MFF: variants seen among roughly 807,000 people sequenced by gnomAD.
The protein encoded by MFF is chromosome 2 open reading frame 33.
In MFF, 12 loss-of-function variants were observed where a neutral mutation model predicts 36.9. That is an observed-to-expected ratio of 0.33 (90% CI 0.21 to 0.53). MFF has a LOEUF of 0.53. Ranked by LOEUF, MFF falls within the 20% of genes least tolerant of loss-of-function variation. MFF has a pLI of 0.95. For missense variants in MFF, 348 were observed against 366.6 expected, an observed-to-expected ratio of 0.95 and a Z score of 0.42; for synonymous variants, 99 against 126.2, an observed-to-expected ratio of 0.78 and a Z score of 1.44.
chr2:227,329,526 C>T (rs2106340289), intron 2 of MFF: 2 of 464,800 alleles, frequency 4.3e-6, no homozygotes, highest in Non-Finnish European at 7.8e-6. Flanking sequence ...AGTCATTTTA[C>T]GTAGATATTT....
chr2:227,342,641 C>A, intron 5 of MFF: 1 of 856,426 alleles, frequency 1.2e-6, no homozygotes, highest in Non-Finnish European at 1.9e-6. Flanking sequence ...AGATTGTGGT[C>A]AGCTATTAGC....
At chr2:227,340,202 T>C (rs1396655189) in intron 4 of MFF, 90 bp from the exon 5 acceptor site, 1 of 1,013,406 alleles carries the variant, frequency 9.9e-7, no homozygotes, top group African/African-American at 1.6e-5. Flanking sequence ...GTTTTTTGAG[T>C]AGCCTTGTAT....
At chr2:227,352,397 TTGA>T in intron 6 of MFF, 114 bp from the exon 7 acceptor site, 1 of 756,060 alleles carries the variant, frequency 1.3e-6, no homozygotes, top group Non-Finnish European at 2.3e-6. Context: ...TTATATTGTA[TTGA>T]AATATACAAT....
At chr2:227,356,640 C>G (rs1322542812) in intron 8 of MFF, among the ~76,000 whole-genome samples, 6 of 152,120 alleles carry the variant, frequency 3.9e-5, no homozygotes, top group African/African-American at 1.4e-4. Context: ...ATTCTTTCTG[C>G]TGTGGTAAGC....
intron 1 of MFF, among the ~76,000 whole-genome samples, chr2:227,326,526 A>G (rs1264017462): frequency 1.3e-5 from 2 of 152,150 alleles, no homozygotes; most frequent in African/African-American, 4.8e-5. Flanking sequence ...CCAAAAGGAA[A>G]TTGTGTTCTC....
Position 227,357,312 on chromosome 2 carries a change from C to T in MFF, c.*195C>T, listed in dbSNP as rs1296608113. The T allele has an allele frequency of 1.3e-5, 7 of 535,532 alleles. No individual in the cohort carries two copies. Among genetic ancestry groups the T allele is most frequent in the East Asian group, 3.2e-5 (1 of 31,410 alleles). The allele number at this position is 535,532 out of a possible 1,614,324, so 33.2% of individuals were successfully genotyped here. A position where few individuals can be genotyped will look rare whatever the true frequency, so the allele number is the denominator to read the frequency against. On this transcript the variant is annotated 3_prime_UTR_variant, in exon 9 of 9. Transcript: ENST00000304593. ...ATATTCTGTCACTCAGCTGTATTCA[C>T]GTCTGAGCAGTTCTGCAGTAACACC...
intron 5 of MFF, among the ~76,000 whole-genome samples, chr2:227,343,754 T>G (rs1463994254): frequency 6.6e-6 from 1 of 152,142 alleles, no homozygotes; most frequent in African/African-American, 2.4e-5. Context: ...TATTTAAATT[T>G]TAATTCTGAC....
chr2:227,341,878 T>C (rs1050558976), intron 5 of MFF, among the ~76,000 whole-genome samples: 2 of 152,110 alleles, frequency 1.3e-5, no homozygotes, highest in Non-Finnish European at 2.9e-5. Context: ...TATTGTAATA[T>C]AGCACCACTC....
intron 5 of MFF, among the ~76,000 whole-genome samples, chr2:227,341,238 C>T (rs1311914571): frequency 6.6e-6 from 1 of 151,092 alleles, no homozygotes; most frequent in East Asian, 1.9e-4. Flanking sequence ...TATAGGGGTA[C>T]AGAAGGGGTT....
At chr2:227,331,430 T>C (rs1454380060) in intron 3 of MFF, among the ~76,000 whole-genome samples, 1 of 152,230 alleles carries the variant, frequency 6.6e-6, no homozygotes, top group Non-Finnish European at 1.5e-5. Flanking sequence ...TCTTCATTCG[T>C]TGATTGCTTT....
At chr2:227,347,098 TG>T in intron 5 of MFF, 127 bp from the exon 6 acceptor site, 1 of 694,772 alleles carries the variant, frequency 1.4e-6, no homozygotes. Flanking sequence ...TGTTTTCTTG[TG>T]GGGAGAGTGA....
intron 3 of MFF, among the ~76,000 whole-genome samples, chr2:227,331,959 A>ATATT (rs572787657): frequency 0.017 from 1,339 of 76,830 alleles, 330 homozygotes; most frequent in South Asian, 0.037. Context: ...CGCTGGAAGC[A>ATATT]TTTTTTTTTT....
intron 5 of MFF, among the ~76,000 whole-genome samples, chr2:227,343,056 G>T (rs2075494434): frequency 6.6e-6 from 1 of 152,088 alleles, no homozygotes; most frequent in African/African-American, 2.4e-5. Context: ...TTGGTGAAAG[G>T]AACCTGAAAT....
intron 4 of MFF, among the ~76,000 whole-genome samples, chr2:227,339,501 G>C (rs1274387673): frequency 6.6e-6 from 1 of 152,210 alleles, no homozygotes; most frequent in African/African-American, 2.4e-5. Flanking sequence ...GGTACTAGCT[G>C]TTGTCTGGGA....
chr2:227,345,674 G>GT (rs1036762684), intron 5 of MFF, among the ~76,000 whole-genome samples: 10 of 151,888 alleles, frequency 6.6e-5, no homozygotes, highest in East Asian at 1.9e-4. Context: ...CAAATAGGAT[G>GT]TTTTTTTTAT....
At chr2:227,347,057 T>C (rs566053631) in intron 5 of MFF, 169 bp from the exon 6 acceptor site, 1 of 564,314 alleles carries the variant, frequency 1.8e-6, no homozygotes, top group African/African-American at 1.9e-5. Context: ...AGCTAGTTTT[T>C]GGAAACAATT....
chr2:227,325,702 C>T (rs988082392), intron 1 of MFF: 2 of 152,224 alleles, frequency 1.3e-5, no homozygotes, highest in Admixed American at 1.3e-4. Flanking sequence ...GGTTCGGCGT[C>T]TCCTTTTGTG....
intron 7 of MFF, among the ~76,000 whole-genome samples, chr2:227,354,170 G>T (rs907227153): frequency 6.6e-6 from 1 of 152,188 alleles, no homozygotes; most frequent in East Asian, 1.9e-4. Flanking sequence ...AGATTATCTA[G>T]AGTCAGTACA....
At chr2:227,335,452 G>A (rs1474650456) in intron 4 of MFF, among the ~76,000 whole-genome samples, 1 of 152,172 alleles carries the variant, frequency 6.6e-6, no homozygotes, top group Non-Finnish European at 1.5e-5. Flanking sequence ...ACACAACGTT[G>A]TGAGTGTACT....
Sources: allele counts gnomAD v4.1 joint callset (sites outside exome capture counted in the v4.1 genomes callset), GRCh38; gene constraint gnomAD v4.1.1; transcripts MANE v1.5; gene names NCBI Gene and HGNC (gene_info 2026-07-23, HGNC 2026-07-21).